SNAPC3: variants seen among roughly 807,000 people sequenced by gnomAD.
SNAPC3 encodes small nuclear RNA activating complex polypeptide 3, also known as snRNA-activating protein complex subunit 3.
Under a neutral mutation model 47.7 loss-of-function variants are expected in SNAPC3, and 56 were observed. The ratio of observed to expected loss-of-function variants is 1.18; its 90% CI spans 0.95 to 1.47. The LOEUF (loss-of-function observed/expected upper bound fraction) is 1.47. Among genes scored for constraint, SNAPC3 ranks in the 40% most tolerant of loss-of-function variants. SNAPC3 has a pLI of 0.00. For synonymous variants in SNAPC3, 235 were observed against 189.9 expected (o/e 1.24, Z -1.95); for missense variants, 665 against 511.3 (o/e 1.30, Z -2.90).
chr9:15,465,149 C>T (rs1381298659), downstream of SNAPC3: 2 of 236,848 alleles, frequency 8.4e-6, no homozygotes, highest in Non-Finnish European at 1.7e-5. Context: ...GCACAAAACC[C>T]ACAGTATTTG....
At chr9:15,449,132 G>A (rs904368852) in intron 5 of SNAPC3, among the ~76,000 whole-genome samples, 3 of 151,946 alleles carry the variant, frequency 2.0e-5, no homozygotes, top group Non-Finnish European at 4.4e-5. Context: ...TTAAAGCAGC[G>A]GTGGCAATCT....
intron 3 of SNAPC3, among the ~76,000 whole-genome samples, chr9:15,434,769 C>T (rs1257034886): frequency 1.3e-5 from 2 of 152,152 alleles, no homozygotes; most frequent in Non-Finnish European, 2.9e-5. Flanking sequence ...TGTATTAGAA[C>T]TTCCTTCCTT....
At chr9:15,430,450 A>C (rs1211872499) in intron 2 of SNAPC3, among the ~76,000 whole-genome samples, 1 of 152,138 alleles carries the variant, frequency 6.6e-6, no homozygotes, top group African/African-American at 2.4e-5. Context: ...AAAGAAAATA[A>C]ATTTCCAGCT....
chr9:15,427,437 C>A (rs571153813), intron 2 of SNAPC3, among the ~76,000 whole-genome samples: 2 of 152,346 alleles, frequency 1.3e-5, no homozygotes, highest in East Asian at 3.9e-4. Context: ...CAACTTCTGC[C>A]TCCTGGGCTC....
At position 15,460,075 on chromosome 9, in the gene SNAPC3, TATTTA is replaced by T. The variant is rs1245361126; in HGVS notation, c.*215_*219del. The T allele has an allele frequency of 1.3e-5, 5 of 383,876 alleles. No individual in the cohort carries two copies. The South Asian group carries it at 2.5e-4, about 19-fold the overall frequency. The allele number at this position is 383,876 out of a possible 1,614,324, so 23.8% of individuals were successfully genotyped here. A position where few individuals can be genotyped will look rare whatever the true frequency, so the allele number is the denominator to read the frequency against. On this transcript the variant is annotated 3_prime_UTR_variant, in exon 9 of 9. Coordinates refer to ENST00000380821, the MANE Select transcript of SNAPC3 (RefSeq NM_001039697.2). ...TTAATTTTATATTTATTCCAGATAGTATTTAATTTAGTGCTTTTTACCCATTTTGA... is the reference window on the plus strand; with the variant it reads ...TTAATTTTATATTTATTCCAGATAGTATTTAGTGCTTTTTACCCATTTTGA...
chr9:15,432,501 GT>G (rs2032293190), intron 2 of SNAPC3, among the ~76,000 whole-genome samples: 1 of 152,080 alleles, frequency 6.6e-6, no homozygotes, highest in East Asian at 1.9e-4. Context: ...TGAGCATCTT[GT>G]GGTGCCGGAA....
intron 1 of SNAPC3, 127 bp downstream of exon 1, chr9:15,423,320 T>C: frequency 1.0e-6 from 1 of 971,990 alleles, no homozygotes. Flanking sequence ...AGTATTACCC[T>C]TTAAAGCTTT....
At chr9:15,448,216 G>A (rs2034094487) in intron 5 of SNAPC3, among the ~76,000 whole-genome samples, 1 of 152,084 alleles carries the variant, frequency 6.6e-6, no homozygotes, top group South Asian at 2.1e-4. Flanking sequence ...ATAAATGTTG[G>A]TATAACTGAG....
chr9:15,456,407 C>A (rs1405102869), intron 7 of SNAPC3, among the ~76,000 whole-genome samples: 1 of 152,138 alleles, frequency 6.6e-6, no homozygotes, highest in South Asian at 2.1e-4. Context: ...ATGGTAACTT[C>A]TTGATACAGT....
intron 5 of SNAPC3, among the ~76,000 whole-genome samples, chr9:15,449,640 G>A (rs750156962): frequency 1.1e-4 from 15 of 134,162 alleles, no homozygotes; most frequent in Admixed American, 2.5e-4. Context: ...GCACCGTCTC[G>A]GCTCACTGCA....
rs145099287 is a variant in SNAPC3, at chr9:15,433,500, G to A, written c.393-52G>A. On this transcript the variant is annotated intron_variant, in intron 2 of 8. Coordinates refer to ENST00000380821, the MANE Select transcript of SNAPC3 (RefSeq NM_001039697.2). The stretch of plus-strand genomic sequence containing the variant: ...AATGTTAAATATGTTTTTGAAGCCC[G>A]AATAACAAATGTTGAACTTTGATTT... 852 of 1,118,974 alleles carry A rather than the reference G, an allele frequency of 7.6e-4. 13 individuals carry two copies. In the East Asian group the frequency reaches 0.019, roughly 25 times the overall value. 69.3% of individuals were successfully genotyped at this position (1,118,974 alleles called of 1,614,324 possible).
chr9:15,442,135 G>T (rs1274000481), intron 3 of SNAPC3, among the ~76,000 whole-genome samples: 1 of 150,718 alleles, frequency 6.6e-6, no homozygotes, highest in Non-Finnish European at 1.5e-5. Flanking sequence ...CTCCGGGACG[G>T]GGCGGCTGGC....
chr9:15,454,709 G>A (rs1471224549), intron 7 of SNAPC3, among the ~76,000 whole-genome samples: 13 of 152,172 alleles, frequency 8.5e-5, no homozygotes, highest in African/African-American at 2.9e-4. Context: ...AGGCCAAGGC[G>A]GGCAGATCAC....
At position 15,434,554 on chromosome 9, in the gene SNAPC3, C is replaced by A. The variant is rs187069534; in HGVS notation, c.477+918C>A. 7.2e-5 allele frequency among the ~76,000 whole-genome samples: 11 copies of A among 152,040 alleles called. No individual in the cohort carries two copies. The East Asian group carries it at 1.9e-3, about 27-fold the overall frequency. On this transcript the variant is annotated intron_variant, in intron 3 of 8. Coordinates refer to ENST00000380821, the MANE Select transcript of SNAPC3 (RefSeq NM_001039697.2). ...TTTTAAGCAGCTGGGATTATAGGTGCCTGCCACCATGCCTGGCTCATTTTT... is the reference window on the plus strand; with the variant it reads ...TTTTAAGCAGCTGGGATTATAGGTGACTGCCACCATGCCTGGCTCATTTTT...
chr9:15,427,174 A>G (rs1177687057), intron 2 of SNAPC3, among the ~76,000 whole-genome samples: 1 of 152,194 alleles, frequency 6.6e-6, no homozygotes, highest in East Asian at 1.9e-4. Context: ...TCCTTGATAC[A>G]TGTTGCTCCC....
chr9:15,466,499 C>G (rs2035636321), downstream of SNAPC3, among the ~76,000 whole-genome samples: 1 of 152,120 alleles, frequency 6.6e-6, no homozygotes, highest in African/African-American at 2.4e-5. Context: ...AAAAGTAGTC[C>G]AGGAGCAAAT....
intron 2 of SNAPC3, among the ~76,000 whole-genome samples, chr9:15,427,892 C>T (rs1288389027): frequency 6.6e-6 from 1 of 152,030 alleles, no homozygotes; most frequent in East Asian, 1.9e-4. Flanking sequence ...GGGTGGAGTG[C>T]TTGAGGTCAG....
downstream of SNAPC3, among the ~76,000 whole-genome samples, chr9:15,466,403 CTG>C (rs1419737613): frequency 3.9e-5 from 6 of 151,928 alleles, no homozygotes; most frequent in African/African-American, 7.2e-5. Flanking sequence ...AACAACAAAA[CTG>C]TGATTCTCCA....
chr9:15,465,295 A>G (rs2035540902), downstream of SNAPC3: 3 of 449,700 alleles, frequency 6.7e-6, 1 homozygote. Flanking sequence ...AACATTTTCT[A>G]AATGGATTTT....
Sources: gnomAD v4.1 joint callset for allele counts (sites outside exome capture counted in the v4.1 genomes callset) on GRCh38, gnomAD v4.1.1 for gene constraint, MANE v1.5 for transcripts, NCBI Gene and HGNC (gene_info 2026-07-23, HGNC 2026-07-21) for gene names.